The following KCNJ6 variants were observed in gnomAD, a reference collection of about 807,000 sequenced individuals.
KCNJ6 encodes potassium inwardly rectifying channel subfamily J member 6.
A neutral mutation model predicts 34.2 loss-of-function variants in KCNJ6; 9 were observed. The observed-to-expected ratio is 0.26, with a 90% CI of 0.16 to 0.46. The LOEUF is 0.46. KCNJ6 is among the 20% of genes least tolerant of loss of function. The pLI, the probability that KCNJ6 is intolerant of heterozygous loss-of-function variation, is 1.00. For synonymous variants in KCNJ6, 196 were observed against 207.1 expected (o/e 0.95, Z 0.46); for missense variants, 236 against 531.3 (o/e 0.44, Z 5.46).
chr21:37,773,462 G>A (rs1444147103), intron 2 of KCNJ6, among the ~76,000 whole-genome samples: 1 of 152,094 alleles, frequency 6.6e-6, no homozygotes, highest in Non-Finnish European at 1.5e-5. Context: ...GGGAGCAGAG[G>A]GAAGGTGTGA....
intron 1 of KCNJ6, among the ~76,000 whole-genome samples, chr21:37,878,288 T>G (rs1433130641): frequency 6.6e-6 from 1 of 152,122 alleles, no homozygotes; most frequent in African/African-American, 2.4e-5. Flanking sequence ...AAGAATTACC[T>G]TCTTTAGAGA....
At chr21:37,790,086 T>C (rs2055210180) in intron 2 of KCNJ6, among the ~76,000 whole-genome samples, 1 of 152,216 alleles carries the variant, frequency 6.6e-6, no homozygotes, top group Non-Finnish European at 1.5e-5. Context: ...TAGTCTGTCT[T>C]TGATGGGTCA....
intron 2 of KCNJ6, among the ~76,000 whole-genome samples, chr21:37,716,129 C>G (rs1032462098): frequency 6.6e-6 from 1 of 152,112 alleles, no homozygotes; most frequent in African/African-American, 2.4e-5. Context: ...ATGTTTAGGG[C>G]AAGAGTCTTG....
intron 1 of KCNJ6, among the ~76,000 whole-genome samples, chr21:37,840,963 T>C (rs564875018): frequency 1.8e-4 from 28 of 152,320 alleles, no homozygotes; most frequent in African/African-American, 6.5e-4. Context: ...TGGATATATA[T>C]AATTGGTGAC....
intron 3 of KCNJ6, among the ~76,000 whole-genome samples, chr21:37,691,690 T>A (rs2054640437): frequency 6.6e-6 from 1 of 152,126 alleles, no homozygotes; most frequent in Admixed American, 6.5e-5. Flanking sequence ...CAAAATCTGA[T>A]TTTGGATATG....
At chr21:37,825,776 G>T (rs1291073095) in intron 2 of KCNJ6, among the ~76,000 whole-genome samples, 2 of 152,196 alleles carry the variant, frequency 1.3e-5, no homozygotes, top group East Asian at 3.9e-4. Context: ...GGCAGAAGGT[G>T]AGGGAAGAAC....
At chr21:37,721,801 T>C (rs2054827738) in intron 2 of KCNJ6, among the ~76,000 whole-genome samples, 1 of 151,912 alleles carries the variant, frequency 6.6e-6, no homozygotes, top group East Asian at 1.9e-4. Context: ...CTGGGGAGGG[T>C]ATGGGCAACA....
At chr21:37,743,137 G>T (rs557363558) in intron 2 of KCNJ6, among the ~76,000 whole-genome samples, 6 of 152,170 alleles carry the variant, frequency 3.9e-5, no homozygotes, top group Non-Finnish European at 8.8e-5. Flanking sequence ...GACAGTGGCT[G>T]GCTTTCATGT....
rs1226899150 is a variant in KCNJ6, at chr21:37,621,649, A to G, written c.*3510T>C. On this transcript the variant is annotated 3_prime_UTR_variant, in exon 4 of 4. Coordinates refer to ENST00000609713, the MANE Select transcript of KCNJ6 (RefSeq NM_002240.5). ...AATTGTGCTTAAGAAATAGGTTGAC[A>G]TTTGCAGCTGGATTTCTGTTAGGGA... 1 of 152,214 alleles carries G rather than the reference A, an allele frequency of 6.6e-6. No homozygotes were observed. Among genetic ancestry groups the G allele is most frequent in the Non-Finnish European group, 1.5e-5 (1 of 68,046 alleles). 9.4% of individuals were successfully genotyped at this position (152,214 alleles called of 1,614,324 possible).
chr21:37,889,347 T>C (rs974716848), intron 1 of KCNJ6, among the ~76,000 whole-genome samples: 29 of 152,062 alleles, frequency 1.9e-4, no homozygotes, highest in African/African-American at 5.3e-4. Context: ...CGAGCCTCAA[T>C]GTTTGACAAG....
intron 2 of KCNJ6, among the ~76,000 whole-genome samples, chr21:37,768,425 C>T (rs908845958): frequency 1.3e-5 from 2 of 152,136 alleles, no homozygotes; most frequent in Non-Finnish European, 2.9e-5. Context: ...GCAGTTCCTC[C>T]TTACCAAATT....
intron 1 of KCNJ6, among the ~76,000 whole-genome samples, chr21:37,858,333 C>T (rs2123598816): frequency 7.8e-6 from 1 of 128,716 alleles, no homozygotes. Context: ...GCGGAGCTTG[C>T]AGTGAGCCGA....
chr21:37,805,634 G>C (rs949562931), intron 2 of KCNJ6, among the ~76,000 whole-genome samples: 3 of 152,074 alleles, frequency 2.0e-5, no homozygotes, highest in African/African-American at 7.2e-5. Flanking sequence ...TTGAAATAAG[G>C]CATTTGCAGA....
chr21:37,761,805 T>C (rs140389469), intron 2 of KCNJ6, among the ~76,000 whole-genome samples: 1 of 152,078 alleles, frequency 6.6e-6, no homozygotes, highest in African/African-American at 2.4e-5. Context: ...ATATGTTGTG[T>C]ATAGTGTTGT....
intron 3 of KCNJ6, among the ~76,000 whole-genome samples, chr21:37,659,504 A>G (rs1391109268): frequency 1.3e-5 from 2 of 152,216 alleles, no homozygotes; most frequent in Non-Finnish European, 2.9e-5. Flanking sequence ...GAAGAAGATG[A>G]GAATGGAAAA....
At chr21:37,874,694 G>C (rs533856071) in intron 1 of KCNJ6, among the ~76,000 whole-genome samples, 1 of 152,160 alleles carries the variant, frequency 6.6e-6, no homozygotes, top group East Asian at 1.9e-4. Context: ...GATGAACACT[G>C]GGAGGAATGA....
At chr21:37,719,474 G>A (rs979864147) in intron 2 of KCNJ6, 2 of 152,186 alleles carry the variant, frequency 1.3e-5, no homozygotes, top group Admixed American at 6.5e-5. Context: ...TGATGACACA[G>A]GCAACTTCTT....
intron 3 of KCNJ6, among the ~76,000 whole-genome samples, chr21:37,682,359 C>CA: frequency 6.6e-6 from 1 of 152,202 alleles, no homozygotes; most frequent in East Asian, 1.9e-4. Context: ...CCAGCCGAGC[C>CA]AGCAGGGTCA....
chr21:37,818,642 T>C (rs1341553174), intron 2 of KCNJ6, among the ~76,000 whole-genome samples: 1 of 152,216 alleles, frequency 6.6e-6, no homozygotes, highest in Non-Finnish European at 1.5e-5. Flanking sequence ...CCCAACTGCC[T>C]TTCAGGTTTC....
Sources: gnomAD v4.1 joint callset for allele counts (sites outside exome capture counted in the v4.1 genomes callset) on GRCh38, gnomAD v4.1.1 for gene constraint, MANE v1.5 for transcripts, NCBI Gene and HGNC (gene_info 2026-07-23, HGNC 2026-07-21) for gene names.